The following ARHGAP35 variants were observed in gnomAD, a reference collection of about 807,000 sequenced individuals.
The protein encoded by ARHGAP35 is Rho GTPase activating protein 35, also known as rho GTPase-activating protein 35.
Under a neutral mutation model 111.1 loss-of-function variants are expected in ARHGAP35, and 15 were observed. That is an observed-to-expected ratio of 0.13 (90% CI 0.09 to 0.21). ARHGAP35 has a LOEUF of 0.21. Ranked by LOEUF, ARHGAP35 falls within the 10% of genes least tolerant of loss-of-function variation. ARHGAP35 has a pLI of 1.00. For missense variants in ARHGAP35, 1,262 were observed against 1,873.0 expected (o/e 0.67, Z 6.02); for synonymous variants, 643 against 710.3 (o/e 0.91, Z 1.51).
In ARHGAP35 at chr19:46,994,846, G is replaced by A. The variant is rs1054506055; in HGVS notation, c.4037-4458G>A. On this transcript the variant is annotated intron_variant, in intron 5 of 6. Transcript: ENST00000672722. This position sits in a 1 kb window ranked among gnomAD's most constrained non-coding sequence, Gnocchi z 5.4. ...GATGAACAAATGACCCAAGGAGGAG[G>A]GGCCTCCCAAATCCGAGAATGAAAG... 3.3e-5 allele frequency among the ~76,000 whole-genome samples: 5 copies of A among 152,132 alleles called. No homozygotes were observed. Among genetic ancestry groups the A allele is most frequent in the African/African-American group, 1.2e-4 (5 of 41,416 alleles).
At chr19:46,950,273 A>G (rs569071892) in intron 3 of ARHGAP35, among the ~76,000 whole-genome samples, 4 of 152,292 alleles carry the variant, frequency 2.6e-5, no homozygotes, top group South Asian at 2.1e-4. Context: ...TCTCATTGCT[A>G]TGTAGACTTT....
At chr19:46,948,302 T>C (rs1305487966) in intron 3 of ARHGAP35, 2 of 152,252 alleles carry the variant, frequency 1.3e-5, no homozygotes, top group Non-Finnish European at 2.9e-5. Flanking sequence ...CTATGTATCA[T>C]ATCACATTGG....
At position 46,874,608 on chromosome 19, in the gene ARHGAP35, G is replaced by A. The variant is rs988839242; in HGVS notation, c.-189+13399G>A. Among the ~76,000 whole-genome samples, 53 of 148,128 alleles carry A rather than the reference G, an allele frequency of 3.6e-4. 1 individual carries two copies. The highest frequency in any genetic ancestry group is 1.2e-3 in the African/African-American group (48 of 40,142). ...CAACCTCCGCCTCCTGCGTTCAAGCGATTCTCCTGCCTCAGCCTCCTGAGT... is the reference window on the plus strand; with the variant it reads ...CAACCTCCGCCTCCTGCGTTCAAGCAATTCTCCTGCCTCAGCCTCCTGAGT... On this transcript the variant is annotated intron_variant, in intron 1 of 6. Transcript: ENST00000672722.
rs1259570011 is a variant in ARHGAP35 at position 46,922,456 on chromosome 19, A to G, written c.3681+100A>G. 26 of 1,202,148 alleles carry G rather than the reference A, an allele frequency of 2.2e-5. No individual in the cohort carries two copies. The East Asian group carries it at 6.5e-4, about 30-fold the overall frequency. The allele number at this position is 1,202,148 out of a possible 1,614,324, so 74.5% of individuals were successfully genotyped here. A position where few individuals can be genotyped will look rare whatever the true frequency, so the allele number is the denominator to read the frequency against. On this transcript the variant is annotated intron_variant, in intron 2 of 6. Coordinates refer to ENST00000672722, the MANE Select transcript of ARHGAP35 (RefSeq NM_004491.5). The surrounding 1 kb of genome is among the most constrained non-coding windows in gnomAD (Gnocchi z 4.0). ...CAAGGACAACCTATTCTGGTAAAAA[A>G]AAAACTGCCCTGTGTGTGTATTTGA... is the stretch of plus-strand genomic sequence containing the variant.
intron 1 of ARHGAP35, among the ~76,000 whole-genome samples, chr19:46,917,040 G>A (rs1373184692): frequency 1.3e-5 from 2 of 151,114 alleles, no homozygotes; most frequent in Non-Finnish European, 2.9e-5. Context: ...TAACTATACA[G>A]TTCAGCGATA....
intron 1 of ARHGAP35, among the ~76,000 whole-genome samples, chr19:46,878,450 G>T (rs1300898153): frequency 1.3e-5 from 2 of 151,978 alleles, no homozygotes; most frequent in Non-Finnish European, 2.9e-5. Context: ...TGGAGTAGCT[G>T]GGTCTAGAGA....
intron 3 of ARHGAP35, among the ~76,000 whole-genome samples, chr19:46,950,287 C>T (rs2056404037): frequency 6.6e-6 from 1 of 152,186 alleles, no homozygotes; most frequent in Non-Finnish European, 1.5e-5. Flanking sequence ...AGACTTTCAT[C>T]ATGTGAATAT....
intron 1 of ARHGAP35, among the ~76,000 whole-genome samples, chr19:46,870,670 C>G (rs1252569458): frequency 6.6e-6 from 1 of 152,112 alleles, no homozygotes; most frequent in Non-Finnish European, 1.5e-5. Flanking sequence ...GAGAAAAAGA[C>G]TCCTGACTGC....
Position 46,992,810 on chromosome 19 carries a change from A to G in ARHGAP35, c.4036+3135A>G, listed in dbSNP as rs2056686320. On this transcript the variant is annotated intron_variant, in intron 5 of 6. Coordinates refer to ENST00000672722, the MANE Select transcript of ARHGAP35 (RefSeq NM_004491.5). This position sits in a 1 kb window ranked among gnomAD's most constrained non-coding sequence, Gnocchi z 4.4. ...CGAACATGGTTCAGGATGCCAGCTC[A>G]TTGTCTCGGCCTTTCCATTTGACAG... Among the ~76,000 whole-genome samples the G allele has an allele frequency of 2.6e-5, 4 of 152,318 alleles. No individual in the cohort carries two copies. The South Asian group carries it at 8.3e-4, about 32-fold the overall frequency.
chr19:46,944,348 A>T (rs886899608), intron 3 of ARHGAP35, among the ~76,000 whole-genome samples: 5 of 152,080 alleles, frequency 3.3e-5, no homozygotes, highest in Admixed American at 2.6e-4. Context: ...AAACAAATTA[A>T]TCATTATAGA....
At chr19:46,898,957 A>G (rs1019581253) in intron 1 of ARHGAP35, among the ~76,000 whole-genome samples, 3 of 152,242 alleles carry the variant, frequency 2.0e-5, no homozygotes, top group Non-Finnish European at 2.9e-5. Context: ...ACAGAGCAGT[A>G]ACAGGAAAAA....
intron 3 of ARHGAP35, among the ~76,000 whole-genome samples, chr19:46,952,737 G>C (rs1424290158): frequency 6.6e-6 from 1 of 152,210 alleles, no homozygotes; most frequent in Admixed American, 6.5e-5. Flanking sequence ...GCAGTGGTGC[G>C]ATCTCAGCTC....
At chr19:46,948,850 A>T (rs925509628) in intron 3 of ARHGAP35, 2 of 152,216 alleles carry the variant, frequency 1.3e-5, no homozygotes, top group Admixed American at 6.6e-5. Flanking sequence ...CATTTCACTC[A>T]TGTATTACAT....
At chr19:46,883,405 G>A (rs2055974856) in intron 1 of ARHGAP35, among the ~76,000 whole-genome samples, 2 of 151,964 alleles carry the variant, frequency 1.3e-5, no homozygotes, top group South Asian at 4.2e-4. Flanking sequence ...CCGGCCAATT[G>A]GCCTAATTTC....
intron 1 of ARHGAP35, among the ~76,000 whole-genome samples, chr19:46,890,829 A>G (rs2056020141): frequency 2.6e-5 from 4 of 152,250 alleles, no homozygotes; most frequent in Admixed American, 2.6e-4. Flanking sequence ...TGTCGACAAC[A>G]GTATACGGTT....
At chr19:46,883,466 C>G (rs1229517943) in intron 1 of ARHGAP35, among the ~76,000 whole-genome samples, 1 of 152,158 alleles carries the variant, frequency 6.6e-6, no homozygotes, top group African/African-American at 2.4e-5. Flanking sequence ...GCAGTTAGAA[C>G]ACATACAACA....
At chr19:46,996,665 A>G (rs1269087250) in intron 5 of ARHGAP35, among the ~76,000 whole-genome samples, 1 of 152,188 alleles carries the variant, frequency 6.6e-6, no homozygotes, top group Non-Finnish European at 1.5e-5. Flanking sequence ...ACCTACGGAG[A>G]GACCTGTGTC....
chr19:46,869,115 C>T (rs1253114608), intron 1 of ARHGAP35, among the ~76,000 whole-genome samples: 1 of 151,928 alleles, frequency 6.6e-6, no homozygotes, highest in Non-Finnish European at 1.5e-5. Flanking sequence ...CCATGTTGGC[C>T]AGGCTGGTCT....
intron 1 of ARHGAP35, among the ~76,000 whole-genome samples, chr19:46,877,625 C>CG (rs1568459003): frequency 6.6e-6 from 1 of 152,052 alleles, no homozygotes. Flanking sequence ...GTACTGTAGT[C>CG]TAAGTGTGCA....
Sources: gnomAD v4.1 joint callset for allele counts (sites outside exome capture counted in the v4.1 genomes callset) on GRCh38, gnomAD v4.1.1 for gene constraint, Gnocchi (gnomAD v3.1) non-coding constraint, MANE v1.5 for transcripts, NCBI Gene and HGNC (gene_info 2026-07-23, HGNC 2026-07-21) for gene names.